The following SLC7A1 variants were observed in gnomAD, a reference collection of about 807,000 sequenced individuals.
SLC7A1 encodes the protein solute carrier family 7 member 1, also known as high affinity cationic amino acid transporter 1.
SLC7A1 carries 10 observed loss-of-function variants against 53.9 expected under a neutral mutation model. That is an observed-to-expected ratio of 0.19 (90% CI 0.11 to 0.31). SLC7A1 has a LOEUF of 0.31. SLC7A1 is among the 10% of genes least tolerant of loss of function. SLC7A1 has a pLI of 1.00. For missense variants in SLC7A1, 525 were observed against 827.2 expected (o/e 0.63, Z 4.48); for synonymous variants, 342 against 338.7 (o/e 1.01, Z -0.11).
At chr13:29,565,119 C>G (rs1870913413) in intron 1 of SLC7A1, among the ~76,000 whole-genome samples, 1 of 152,318 alleles carries the variant, frequency 6.6e-6, no homozygotes, top group Non-Finnish European at 1.5e-5. Context: ...AAAGAATTAT[C>G]TAATTAATGA....
chr13:29,573,192 T>C (rs1871271685), intron 1 of SLC7A1, among the ~76,000 whole-genome samples: 1 of 152,210 alleles, frequency 6.6e-6, no homozygotes, highest in African/African-American at 2.4e-5. Context: ...AATATTTATA[T>C]TCCTAAATGA....
At chr13:29,533,362 G>A (rs533949632) in intron 3 of SLC7A1, among the ~76,000 whole-genome samples, 1 of 152,312 alleles carries the variant, frequency 6.6e-6, no homozygotes, top group South Asian at 2.1e-4. Context: ...GACAACTCAT[G>A]AAAAATTGAT....
chr13:29,526,959 C>T (rs1298599657), intron 5 of SLC7A1, among the ~76,000 whole-genome samples: 1 of 152,162 alleles, frequency 6.6e-6, no homozygotes, highest in Non-Finnish European at 1.5e-5. Context: ...CCCTGCCACA[C>T]CTGCTCCTCG....
chr13:29,541,718 C>T (rs1375963969), intron 2 of SLC7A1, among the ~76,000 whole-genome samples: 1 of 152,150 alleles, frequency 6.6e-6, no homozygotes, highest in Non-Finnish European at 1.5e-5. Flanking sequence ...TGGATGTTAA[C>T]ATGATGTCAC....
chr13:29,534,134 G>A (rs1189263220), intron 3 of SLC7A1, among the ~76,000 whole-genome samples: 1 of 152,050 alleles, frequency 6.6e-6, no homozygotes. Flanking sequence ...TCAGTGACAG[G>A]GGCTACCCCA....
At chr13:29,540,396 C>T (rs1869610791) in intron 2 of SLC7A1, among the ~76,000 whole-genome samples, 1 of 152,184 alleles carries the variant, frequency 6.6e-6, no homozygotes. Context: ...ACGTTTCCCA[C>T]AGGAATTCTA....
At chr13:29,532,329 T>G (rs3783257) in intron 4 of SLC7A1, among the ~76,000 whole-genome samples, 13,648 of 152,278 alleles carry the variant, frequency 0.09, 1,706 homozygotes, top group East Asian at 0.61. Flanking sequence ...TCATGAAACT[T>G]ATTTACTGAA....
chr13:29,533,856 C>T (rs1375747482), intron 3 of SLC7A1, among the ~76,000 whole-genome samples: 3 of 152,114 alleles, frequency 2.0e-5, no homozygotes, highest in African/African-American at 7.2e-5. Context: ...TTTCATAGAG[C>T]GTTTTCCTTT....
At chr13:29,528,273 G>T (rs1004548203) in intron 5 of SLC7A1, among the ~76,000 whole-genome samples, 2 of 152,226 alleles carry the variant, frequency 1.3e-5, no homozygotes, top group Admixed American at 6.5e-5. Flanking sequence ...TTCTCAACAG[G>T]CTTCCATGCA....
At chr13:29,535,241 A>G (rs2150690) in intron 3 of SLC7A1, among the ~76,000 whole-genome samples, 112,162 of 151,822 alleles carry the variant, frequency 0.74, 42,803 homozygotes, top group Non-Finnish European at 0.85. Context: ...ACACCAATAC[A>G]TTACGCTGTG....
intron 1 of SLC7A1, among the ~76,000 whole-genome samples, chr13:29,587,852 GC>G (rs34185884): frequency 0.023 from 3,496 of 152,270 alleles, 127 homozygotes; most frequent in African/African-American, 0.079. Context: ...CCAGGACTTG[GC>G]TGCGGGGCTC....
chr13:29,541,841 A>G (rs928067398), intron 2 of SLC7A1, among the ~76,000 whole-genome samples: 2 of 152,256 alleles, frequency 1.3e-5, no homozygotes, highest in Admixed American at 6.5e-5. Flanking sequence ...ATGTCTTTCT[A>G]GACTATGTAT....
At chr13:29,532,785 A>G in intron 4 of SLC7A1, 39 bp downstream of exon 4, 1 of 1,557,444 alleles carries the variant, frequency 6.4e-7, no homozygotes. Flanking sequence ...ACCTTTGCCC[A>G]TCACTCTGAC....
intron 1 of SLC7A1, among the ~76,000 whole-genome samples, chr13:29,594,903 C>T (rs1488880899): frequency 6.6e-6 from 1 of 152,108 alleles, no homozygotes. Flanking sequence ...TCCGGGCGGC[C>T]GGGCAGAGTC....
rs200857434 is a variant in SLC7A1 at position 29,524,160 on chromosome 13, G to A, written c.798C>T (p.Phe266=). Residue 266 remains phenylalanine (F), a synonymous_variant, in exon 6 of 13, where the codon TTC becomes TTT. Coordinates refer to ENST00000380752, the MANE Select transcript of SLC7A1 (RefSeq NM_003045.5). ...TGGTGGCGATGCAGTCAAAGCCCAC[G>A]AAGGCATAGAAGCAAGTCGCTGCCC... ...LSGAATCFYA[F]VGFDCIATTG... 1.1e-5 allele frequency: 17 copies of A among 1,613,834 alleles called. No homozygotes were observed. Among genetic ancestry groups the A allele is most frequent in the African/African-American group, 6.7e-5 (5 of 74,998 alleles).
chr13:29,552,874 G>A (rs7328185), intron 2 of SLC7A1, among the ~76,000 whole-genome samples: 20,840 of 152,082 alleles, frequency 0.14, 1,865 homozygotes, highest in African/African-American at 0.25. Context: ...TTCCTCTAGC[G>A]CCGCTGGGTT....
At chr13:29,564,813 T>C (rs1438292943) in intron 1 of SLC7A1, among the ~76,000 whole-genome samples, 3 of 152,230 alleles carry the variant, frequency 2.0e-5, no homozygotes, top group Non-Finnish European at 4.4e-5. Context: ...AGAAAATAAA[T>C]AGAGATTACA....
At chr13:29,525,228 T>C (rs1426440747) in intron 5 of SLC7A1, among the ~76,000 whole-genome samples, 1 of 152,154 alleles carries the variant, frequency 6.6e-6, no homozygotes, top group African/African-American at 2.4e-5. Flanking sequence ...GCAATTGCAC[T>C]CCTTGTGGTT....
chr13:29,594,599 C>G (rs1872232632), intron 1 of SLC7A1, among the ~76,000 whole-genome samples: 1 of 152,208 alleles, frequency 6.6e-6, no homozygotes, highest in African/African-American at 2.4e-5. Context: ...TTCTACTACG[C>G]AGAAAGGAAC....
Sources: gnomAD v4.1 joint callset for allele counts (sites outside exome capture counted in the v4.1 genomes callset) on GRCh38, gnomAD v4.1.1 for gene constraint, MANE v1.5 for transcripts, NCBI Gene and HGNC (gene_info 2026-07-23, HGNC 2026-07-21) for gene names.